Variants in KALRN observed in about 807,000 individuals in gnomAD.
The protein encoded by KALRN is kalirin.
A neutral mutation model predicts 353.7 loss-of-function variants in KALRN; 70 were observed. The observed-to-expected ratio is 0.20, with a 90% CI of 0.16 to 0.24. The LOEUF is 0.24. KALRN is among the 10% of genes least tolerant of loss of function. KALRN has a pLI of 1.00. For synonymous variants in KALRN, 1,391 were observed against 1,434.8 expected, an observed-to-expected ratio of 0.97 and a Z score of 0.69; for missense variants, 2,791 against 3,756.7, an observed-to-expected ratio of 0.74 and a Z score of 6.72.
chr3:124,584,061 T>G (rs1160945876), intron 34 of KALRN, among the ~76,000 whole-genome samples: 1 of 150,898 alleles, frequency 6.6e-6, no homozygotes, highest in Non-Finnish European at 1.5e-5. Context: ...TCTTTTACAT[T>G]TTTTTTTTAA....
chr3:124,664,380 C>CGG (rs1280252935), intron 45 of KALRN, among the ~76,000 whole-genome samples: 2 of 149,172 alleles, frequency 1.3e-5, no homozygotes, highest in Non-Finnish European at 3.0e-5. Flanking sequence ...TGCGCGCGCG[C>CGG]GCATATAAGG....
rs766098131 is a variant in KALRN at position 124,334,393 on chromosome 3, G to C, written c.1545G>C (p.Glu515Asp). The C allele has an allele frequency of 1.2e-6, 2 of 1,614,214 alleles. No homozygotes were observed. The highest frequency in any genetic ancestry group is 3.3e-5 in the Admixed American group (2 of 60,030). Residue 515 changes from glutamate (E) to aspartate (D), a missense_variant, in exon 9 of 60, where the codon GAG becomes GAC. Coordinates refer to ENST00000682506, the MANE Select transcript of KALRN (RefSeq NM_001388419.1). The surrounding 1 kb of genome is among the most constrained non-coding windows in gnomAD (Gnocchi z 4.2). ...ACCAGGTGCTGGACGTGGTGCATGAGGTGTTACATCACCAGCGACGGCTGG... is the reference window on the plus strand; with the variant it reads ...ACCAGGTGCTGGACGTGGTGCATGACGTGTTACATCACCAGCGACGGCTGG... The part of the protein sequence containing the change: ...AVHQVLDVVH[E>D]VLHHQRRLES...
chr3:124,382,200 C>T (rs1377748444), intron 10 of KALRN, among the ~76,000 whole-genome samples: 1 of 152,156 alleles, frequency 6.6e-6, no homozygotes, highest in Non-Finnish European at 1.5e-5. Flanking sequence ...AGATAGCATG[C>T]ATAAAATCCT....
chr3:124,446,989 G>A lies in KALRN; in HGVS notation c.3552+104G>A, dbSNP rs979873474. The stretch of plus-strand genomic sequence containing the variant: ...ACAGCTTCTGTAAGCAAAAATACCT[G>A]GCTACAGTGGCAAGGGGGGAAGCAT... On this transcript the variant is annotated intron_variant, in intron 21 of 59. Coordinates refer to ENST00000682506, the MANE Select transcript of KALRN (RefSeq NM_001388419.1). 2.3e-6 allele frequency: 3 copies of A among 1,314,738 alleles called. No homozygotes were observed. In the African/African-American group the frequency reaches 4.4e-5, roughly 19 times the overall value. 81.4% of individuals were successfully genotyped at this position (1,314,738 alleles called of 1,614,324 possible).
intron 10 of KALRN, among the ~76,000 whole-genome samples, chr3:124,348,868 C>T (rs898756532): frequency 5.3e-5 from 7 of 131,888 alleles, no homozygotes; most frequent in African/African-American, 1.8e-4. Flanking sequence ...CAGGCACCTG[C>T]CACCACACCC....
At chr3:124,287,703 T>C (rs535653180) in intron 5 of KALRN, among the ~76,000 whole-genome samples, 1 of 146,058 alleles carries the variant, frequency 6.8e-6, no homozygotes, top group Non-Finnish European at 1.5e-5. Context: ...TAAATAAAAA[T>C]GCAAGTATAT....
chr3:124,173,736 C>T (rs2072240015), intron 1 of KALRN, among the ~76,000 whole-genome samples: 1 of 152,180 alleles, frequency 6.6e-6, no homozygotes, highest in African/African-American at 2.4e-5. Flanking sequence ...CTGCCTCAGC[C>T]TCCCGAGTAG....
At position 124,666,647 on chromosome 3, in the gene KALRN, A is replaced by T; in HGVS notation, c.6531+13A>T. ...AAGGAGCATCAAGGTGAGGATCCCAATGGTGATGAGAAGAGGCAAGGAAGA... is the reference window on the plus strand; with the variant it reads ...AAGGAGCATCAAGGTGAGGATCCCATTGGTGATGAGAAGAGGCAAGGAAGA... On this transcript the variant is annotated intron_variant, in intron 46 of 59. Coordinates refer to ENST00000682506, the MANE Select transcript of KALRN (RefSeq NM_001388419.1). 1 of 1,611,444 alleles carries T rather than the reference A, an allele frequency of 6.2e-7. No individual in the cohort carries two copies.
intron 1 of KALRN, among the ~76,000 whole-genome samples, chr3:124,173,875 A>G (rs1205434324): frequency 6.6e-6 from 1 of 152,018 alleles, no homozygotes; most frequent in Non-Finnish European, 1.5e-5. Flanking sequence ...CGGCCTCCCT[A>G]ACTGCTGGGA....
intron 1 of KALRN, among the ~76,000 whole-genome samples, chr3:124,066,517 T>C (rs1235202456): frequency 2.0e-5 from 3 of 152,100 alleles, no homozygotes; most frequent in South Asian, 2.1e-4. Flanking sequence ...GGATTTAGAT[T>C]TGAAGGAGTG....
chr3:124,263,736 A>G (rs1361345133), intron 3 of KALRN, among the ~76,000 whole-genome samples: 1 of 152,168 alleles, frequency 6.6e-6, no homozygotes, highest in African/African-American at 2.4e-5. Context: ...TTGAAAAAGT[A>G]TTCTTTGGCC....
rs551458769 is a variant in KALRN, at chr3:124,090,994, C to T, written c.73+57181C>T. ...TGTCCTCAGGTGTGGACCTAAGAAG[C>T]CCGTTCACCTGGGGACACTAAGCTG... On this transcript the variant is annotated intron_variant, in intron 1 of 59. Transcript: ENST00000682506. Among the ~76,000 whole-genome samples the T allele has an allele frequency of 4.5e-4, 69 of 152,288 alleles. 1 individual carries two copies. The South Asian group carries it at 0.014, about 31-fold the overall frequency.
In KALRN at chr3:124,094,763, G is replaced by T. The variant is rs1423844728; in HGVS notation, c.73+60950G>T. On this transcript the variant is annotated intron_variant, in intron 1 of 59. Transcript: ENST00000682506. ...TGCGAGCCCAGCGTCAAGTGATTCC[G>T]GCCTCCTCGAGTCAGCGGTGGTGGG... 5.1e-5 allele frequency: 66 copies of T among 1,287,768 alleles called. No individual in the cohort carries two copies. The East Asian group carries it at 1.5e-3, about 30-fold the overall frequency. The allele number at this position is 1,287,768 out of a possible 1,614,324, so 79.8% of individuals were successfully genotyped here. A position where few individuals can be genotyped will look rare whatever the true frequency, so the allele number is the denominator to read the frequency against.
intron 6 of KALRN, among the ~76,000 whole-genome samples, chr3:124,323,715 G>A (rs2079578862): frequency 1.3e-5 from 2 of 152,096 alleles, no homozygotes; most frequent in Admixed American, 6.6e-5. Context: ...CATTCTATCT[G>A]GCCAGAGTAT....
chr3:124,289,781 GA>G (rs1200223410), intron 5 of KALRN, among the ~76,000 whole-genome samples: 1 of 152,154 alleles, frequency 6.6e-6, no homozygotes, highest in African/African-American at 2.4e-5. Context: ...GTTTAAAATG[GA>G]ATTAACAATA....
intron 16 of KALRN, among the ~76,000 whole-genome samples, chr3:124,433,699 T>A (rs2093366307): frequency 6.6e-6 from 1 of 151,978 alleles, no homozygotes; most frequent in Non-Finnish European, 1.5e-5. Context: ...TTGAAGTGAA[T>A]TATCTCCTGC....
At chr3:124,422,274 A>G (rs2092815855) in intron 14 of KALRN, among the ~76,000 whole-genome samples, 1 of 152,148 alleles carries the variant, frequency 6.6e-6, no homozygotes, top group South Asian at 2.1e-4. Context: ...ACCACTGTCC[A>G]TGTGCGACAC....
intron 5 of KALRN, among the ~76,000 whole-genome samples, chr3:124,295,239 G>T (rs920668202): frequency 6.6e-6 from 1 of 152,140 alleles, no homozygotes; most frequent in Non-Finnish European, 1.5e-5. Context: ...CCCCAGAGCA[G>T]GTCTTTTTCT....
rs2063411068 is a variant in KALRN at position 124,725,757 on chromosome 3, G to A, written c.*6287G>A. The A allele has an allele frequency of 6.6e-6, 1 of 152,122 alleles. No homozygotes were observed. The highest frequency in any genetic ancestry group is 1.5e-5 in the Non-Finnish European group (1 of 68,018). 9.4% of individuals were successfully genotyped at this position (152,122 alleles called of 1,614,324 possible). On this transcript the variant is annotated 3_prime_UTR_variant, in exon 60 of 60. Coordinates refer to ENST00000682506, the MANE Select transcript of KALRN (RefSeq NM_001388419.1). Reference sequence around the variant, plus strand: ...TGGACTTATAACTATCTTTACATTTGAACTATTAATAGTTGATTTGCAAAC... The same window carrying A: ...TGGACTTATAACTATCTTTACATTTAAACTATTAATAGTTGATTTGCAAAC...
Sources: allele counts gnomAD v4.1 joint callset (sites outside exome capture counted in the v4.1 genomes callset), GRCh38; gene constraint gnomAD v4.1.1; non-coding constraint Gnocchi (gnomAD v3.1); transcripts MANE v1.5; gene names NCBI Gene and HGNC (gene_info 2026-07-23, HGNC 2026-07-21).